The following MAST4 variants were observed in gnomAD, a reference collection of about 807,000 sequenced individuals.
MAST4 encodes microtubule-associated serine/threonine-protein kinase 4.
In MAST4, 89 loss-of-function variants were observed where a neutral mutation model predicts 162.7. The ratio of observed to expected loss-of-function variants is 0.55; its 90% CI spans 0.46 to 0.65. The LOEUF (loss-of-function observed/expected upper bound fraction) is 0.65, where lower values mean the gene tolerates loss of function less well. Among genes scored for constraint, MAST4 ranks in the 30% least tolerant of loss-of-function variants. The pLI is 0.00. For synonymous variants in MAST4, 1,479 were observed against 1,361.1 expected (o/e 1.09, Z -1.91); for missense variants, 3,153 against 3,374.0 (o/e 0.93, Z 1.62).
chr5:66,692,169 T>TCTCG (rs1427751933), intron 1 of MAST4, among the ~76,000 whole-genome samples: 1 of 152,162 alleles, frequency 6.6e-6, no homozygotes, highest in Non-Finnish European at 1.5e-5. Context: ...GTGCTCTGTC[T>TCTCG]CTCGCTCGCT....
intron 2 of MAST4, among the ~76,000 whole-genome samples, chr5:66,763,393 C>T (rs912081097): frequency 2.6e-5 from 4 of 152,160 alleles, no homozygotes; most frequent in African/African-American, 9.7e-5. Context: ...AAAATTCACA[C>T]ATTGGTCGAC....
chr5:66,661,281 T>C (rs1444400561), intron 1 of MAST4, among the ~76,000 whole-genome samples: 1 of 152,156 alleles, frequency 6.6e-6, no homozygotes, highest in Non-Finnish European at 1.5e-5. Context: ...CCTTGGCATG[T>C]GTGTGTTCCC....
chr5:67,057,292 A>G (rs1561587769), intron 5 of MAST4, among the ~76,000 whole-genome samples: 2 of 152,242 alleles, frequency 1.3e-5, no homozygotes, highest in South Asian at 4.1e-4. Context: ...AGGCATCTCC[A>G]TCAAAATGAG....
intron 5 of MAST4, among the ~76,000 whole-genome samples, chr5:67,075,161 G>GGTT (rs541004701): frequency 7.8e-6 from 1 of 128,160 alleles, no homozygotes; most frequent in African/African-American, 3.0e-5. Context: ...ATTGGAATGA[G>GGTT]TTTTTTTTTT....
intron 1 of MAST4, among the ~76,000 whole-genome samples, chr5:66,754,588 A>G (rs908845541): frequency 5.3e-5 from 8 of 152,230 alleles, no homozygotes; most frequent in East Asian, 1.9e-4. Flanking sequence ...GAGATTTGCA[A>G]TTGATTTGCT....
chr5:66,828,780 T>A (rs1757400134), intron 3 of MAST4: 6 of 1,579,398 alleles, frequency 3.8e-6, no homozygotes, highest in Non-Finnish European at 5.2e-6. Context: ...ATTAGCGTGC[T>A]GAAGTAGAGG....
chr5:66,895,730 A>G (rs411166), intron 3 of MAST4, among the ~76,000 whole-genome samples: 81,666 of 151,932 alleles, frequency 0.54, 22,351 homozygotes, highest in African/African-American at 0.61. Flanking sequence ...ATTAAATATT[A>G]CCTTAAAGTA....
chr5:66,867,261 C>A (rs1760596947), intron 3 of MAST4, among the ~76,000 whole-genome samples: 1 of 152,086 alleles, frequency 6.6e-6, no homozygotes, highest in South Asian at 2.1e-4. Context: ...ATAACTTATA[C>A]CTGATTTAAA....
intron 3 of MAST4, among the ~76,000 whole-genome samples, chr5:66,828,293 G>A (rs1757371441): frequency 1.3e-5 from 2 of 152,132 alleles, no homozygotes; most frequent in Non-Finnish European, 2.9e-5. Context: ...CAGCATGTGT[G>A]TTCTGCTACA....
intron 1 of MAST4, among the ~76,000 whole-genome samples, chr5:66,608,745 A>G (rs1341206665): frequency 7.4e-6 from 1 of 134,620 alleles, no homozygotes; most frequent in Non-Finnish European, 1.5e-5. Context: ...CATTCTGAGC[A>G]TGGCACGTCA....
chr5:66,897,885 A>G (rs1013833712), intron 3 of MAST4, among the ~76,000 whole-genome samples: 3 of 152,230 alleles, frequency 2.0e-5, no homozygotes, highest in African/African-American at 7.2e-5. Flanking sequence ...TTCTCAGAGC[A>G]AAGCAGCCAG....
intron 1 of MAST4, among the ~76,000 whole-genome samples, chr5:66,600,676 G>C (rs1293420136): frequency 6.6e-6 from 1 of 152,202 alleles, no homozygotes; most frequent in East Asian, 1.9e-4. Flanking sequence ...CAAACCTCTA[G>C]ATCTCTTATC....
intron 18 of MAST4, 93 bp downstream of exon 18, chr5:67,134,781 G>A: frequency 1.9e-6 from 2 of 1,034,312 alleles, no homozygotes; most frequent in Non-Finnish European, 2.8e-6. Flanking sequence ...CTACTAAAAT[G>A]TTAACCTTTA....
chr5:67,081,048 G>A (rs1762573103), intron 5 of MAST4, among the ~76,000 whole-genome samples: 1 of 119,766 alleles, frequency 8.3e-6, no homozygotes, highest in East Asian at 2.1e-4. Context: ...ATATATAATT[G>A]TATATATTAT....
intron 6 of MAST4, among the ~76,000 whole-genome samples, chr5:67,092,535 A>T (rs1344489860): frequency 6.6e-6 from 1 of 152,184 alleles, no homozygotes; most frequent in Non-Finnish European, 1.5e-5. Context: ...AATCCACCTG[A>T]TTGTGGACCT....
chr5:67,024,281 TGGAACACTGTTCAGCCTGAAACAA>T (rs1754343898), intron 4 of MAST4, among the ~76,000 whole-genome samples: 2 of 150,672 alleles, frequency 1.3e-5, no homozygotes, highest in South Asian at 4.2e-4. Context: ...ACACACACGA[TGGAACACTGTTCAGCCTGAAACAA>T]GGAAGATATA....
intron 3 of MAST4, chr5:66,789,736 C>G (rs377502660): frequency 1.3e-5 from 7 of 518,876 alleles, no homozygotes; most frequent in Non-Finnish European, 1.9e-5. Flanking sequence ...ACTGTAGTTA[C>G]CACTTTCTCT....
chr5:66,870,988 CT>C, intron 3 of MAST4: 1 of 374,040 alleles, frequency 2.7e-6, no homozygotes, highest in Admixed American at 3.4e-5. Flanking sequence ...GAGTCAAAGT[CT>C]TCTCTATTAA....
intron 3 of MAST4, among the ~76,000 whole-genome samples, chr5:66,891,221 A>G (rs1184569091): frequency 1.3e-5 from 2 of 152,080 alleles, no homozygotes. Context: ...TCATCTCTGA[A>G]TGGTACCCTG....
Sources: gnomAD v4.1 joint callset for allele counts (sites outside exome capture counted in the v4.1 genomes callset) on GRCh38, gnomAD v4.1.1 for gene constraint, MANE v1.5 for transcripts, NCBI Gene and HGNC (gene_info 2026-07-23, HGNC 2026-07-21) for gene names.